Variants in ECPAS observed in about 807,000 individuals in gnomAD.
The protein encoded by ECPAS is proteasome adapter and scaffold protein ECM29.
Under a neutral mutation model 255.1 loss-of-function variants are expected in ECPAS, and 70 were observed. That is an observed-to-expected ratio of 0.27 (90% CI 0.23 to 0.33). The LOEUF (loss-of-function observed/expected upper bound fraction) is 0.33. ECPAS is among the 10% of genes least tolerant of loss of function. The probability of loss-of-function intolerance (pLI) is 1.00; values close to 1 mark genes in which losing one functional copy is unlikely to be tolerated. For synonymous variants in ECPAS, 784 were observed against 775.0 expected (o/e 1.01, Z -0.19); for missense variants, 1,817 against 2,206.4 (o/e 0.82, Z 3.54).
chr9:111,370,353 T>C (rs759640701), intron 45 of ECPAS, 82 bp downstream of exon 45: 13 of 885,684 alleles, frequency 1.5e-5, no homozygotes, highest in Non-Finnish European at 2.0e-5. Context: ...CTAATCCTAA[T>C]AATCAGGACA....
intron 6 of ECPAS, among the ~76,000 whole-genome samples, chr9:111,439,143 TA>T (rs1462245383): frequency 6.6e-6 from 1 of 152,184 alleles, no homozygotes; most frequent in East Asian, 1.9e-4. Context: ...ACAGTGGCCA[TA>T]TAGGCGGGTG....
chr9:111,371,815 TGC>T lies in ECPAS; in HGVS notation c.4541_4542del (p.Gly1514AspfsTer39). 1 of 1,612,218 alleles carries T rather than the reference TGC, an allele frequency of 6.2e-7. No homozygotes were observed. Among genetic ancestry groups the T allele is most frequent in the Non-Finnish European group, 8.5e-7 (1 of 1,178,480 alleles). On this transcript the variant is annotated frameshift_variant, in exon 43 of 50. Transcript: ENST00000684092. LOFTEE classifies it high-confidence loss of function. Reference sequence around the variant, plus strand: ...ATTAACTCCTGCAGGTATAATCGAATGCCACCAAAGGATCCTAGGAAAGCAAA... The same window carrying T: ...ATTAACTCCTGCAGGTATAATCGAATCACCAAAGGATCCTAGGAAAGCAAA... ...WQENVPGSFG[G>X]IRLYLQELIT...
At chr9:111,478,745 G>C (rs2098299770) in intron 1 of ECPAS, among the ~76,000 whole-genome samples, 1 of 152,100 alleles carries the variant, frequency 6.6e-6, no homozygotes, top group African/African-American at 2.4e-5. Context: ...CAAAATAACA[G>C]ACCTGGGAAT....
At chr9:111,458,144 G>C (rs1264515597) in intron 2 of ECPAS, among the ~76,000 whole-genome samples, 1 of 152,098 alleles carries the variant, frequency 6.6e-6, no homozygotes, top group Non-Finnish European at 1.5e-5. Flanking sequence ...CCCAACTAAT[G>C]ATTCTCTCCG....
chr9:111,385,827 A>T (rs1299326910), intron 32 of ECPAS, among the ~76,000 whole-genome samples: 1 of 152,250 alleles, frequency 6.6e-6, no homozygotes, highest in African/African-American at 2.4e-5. Context: ...TTTAACAGGT[A>T]ATCTTCAACT....
chr9:111,362,791 A>G (rs1446050141), intron 49 of ECPAS, among the ~76,000 whole-genome samples: 3 of 152,172 alleles, frequency 2.0e-5, no homozygotes, highest in African/African-American at 7.2e-5. Flanking sequence ...ATATTAGTAC[A>G]TATCTGGCAA....
chr9:111,371,752 T>C lies in ECPAS; in HGVS notation c.4606A>G (p.Lys1536Glu), dbSNP rs750148961. 14 of 1,613,790 alleles carry C rather than the reference T, an allele frequency of 8.7e-6. No individual in the cohort carries two copies. The highest frequency in any genetic ancestry group is 1.1e-5 in the Non-Finnish European group (13 of 1,179,818). The change falls in exon 43 of 50, where the codon AAA becomes GAA. Residue 1536 changes from lysine (K) to glutamate (E), a missense_variant. Transcript: ENST00000684092. ...TQKALQSQSW[K>E]MKAQGAIAMA... Reference sequence around the variant, plus strand: ...GCAATTGCACCCTGGGCTTTCATTTTCCAGGACTGAGACTGCAAAGCCTTC... The same window carrying C: ...GCAATTGCACCCTGGGCTTTCATTTCCCAGGACTGAGACTGCAAAGCCTTC...
intron 31 of ECPAS, 78 bp downstream of exon 31, chr9:111,389,478 G>C: frequency 4.8e-6 from 6 of 1,249,846 alleles, no homozygotes; most frequent in Non-Finnish European, 6.5e-6. Context: ...AAGGAAGATG[G>C]ACACTGGGTT....
At chr9:111,428,706 G>A (rs1203971070) in intron 9 of ECPAS, among the ~76,000 whole-genome samples, 1 of 151,270 alleles carries the variant, frequency 6.6e-6, no homozygotes, top group Non-Finnish European at 1.5e-5. Flanking sequence ...ACCAAAACTT[G>A]ACAAATAATA....
In ECPAS at chr9:111,417,924, T is replaced by G. The variant is rs375259584; in HGVS notation, c.1642A>C (p.Met548Leu). ...RNRKESTSEQ[M>L]PSFPEMVYYI... The stretch of plus-strand genomic sequence containing the variant: ...TAAACCATTTCTGGGAAGGAAGGCA[T>G]CTGCTCAGAAGTACTTTCTTTTCTG... Residue 548 changes from methionine (M) to leucine (L), a missense_variant, in exon 17 of 50, where the codon ATG becomes CTG. Physicochemically the swap from Met to Leu is conservative, Grantham distance 15. This residue lies in a region of ECPAS where 573 missense variants were observed against 716.2 expected (regional missense o/e 0.80). Coordinates refer to ENST00000684092, the MANE Select transcript of ECPAS (RefSeq NM_001364929.1). 15 of 1,590,204 alleles carry G rather than the reference T, an allele frequency of 9.4e-6. No individual in the cohort carries two copies. The highest frequency in any genetic ancestry group is 1.2e-5 in the Non-Finnish European group (14 of 1,167,192).
intron 24 of ECPAS, among the ~76,000 whole-genome samples, chr9:111,402,639 A>G (rs1021828848): frequency 3.9e-5 from 6 of 152,226 alleles, no homozygotes; most frequent in African/African-American, 1.4e-4. Context: ...GGCAATATAA[A>G]AAGATACAAG....
Position 111,408,726 on chromosome 9 carries a change from C to G in ECPAS, c.2551-54G>C, listed in dbSNP as rs150323311. Reference sequence around the variant, plus strand: ...AAACAGAGTATATAATAGCTTTACCCCAGTGCAGTATTTCCAAAATGAGAT... The same window carrying G: ...AAACAGAGTATATAATAGCTTTACCGCAGTGCAGTATTTCCAAAATGAGAT... On this transcript the variant is annotated intron_variant, in intron 23 of 49. Transcript: ENST00000684092. 4.1e-4 allele frequency: 429 copies of G among 1,056,618 alleles called. 1 individual carries two copies. In the African/African-American group the frequency reaches 6.4e-3, roughly 16 times the overall value. 65.5% of individuals were successfully genotyped at this position (1,056,618 alleles called of 1,614,324 possible). A position where few individuals can be genotyped will look rare whatever the true frequency, so the allele number is the denominator to read the frequency against.
chr9:111,423,348 A>G, intron 12 of ECPAS, 100 bp from the exon 13 acceptor site: 1 of 775,866 alleles, frequency 1.3e-6, no homozygotes, highest in Non-Finnish European at 2.1e-6. Context: ...AATTACATGC[A>G]TTATTTTACT....
intron 4 of ECPAS, among the ~76,000 whole-genome samples, chr9:111,443,694 T>A (rs1007093906): frequency 2.6e-5 from 4 of 152,138 alleles, no homozygotes; most frequent in Admixed American, 6.5e-5. Context: ...AGAACAGACA[T>A]GGACAAAATG....
At chr9:111,430,933 C>A (rs2098228926) in intron 8 of ECPAS, among the ~76,000 whole-genome samples, 1 of 152,194 alleles carries the variant, frequency 6.6e-6, no homozygotes, top group East Asian at 1.9e-4. Context: ...GGTTCTCAGG[C>A]CAATGGCATG....
At chr9:111,407,884 G>A (rs892150525) in intron 24 of ECPAS, among the ~76,000 whole-genome samples, 6 of 152,120 alleles carry the variant, frequency 3.9e-5, no homozygotes, top group African/African-American at 1.4e-4. Context: ...CAGTCTGGTG[G>A]GCCATTAGAA....
At chr9:111,415,655 C>T (rs752038576) in intron 18 of ECPAS, among the ~76,000 whole-genome samples, 2 of 151,116 alleles carry the variant, frequency 1.3e-5, no homozygotes, top group South Asian at 2.1e-4. Context: ...ACCGAGATCA[C>T]GCCATTCACT....
chr9:111,377,513 G>A (rs2098134744), intron 36 of ECPAS, among the ~76,000 whole-genome samples: 1 of 152,134 alleles, frequency 6.6e-6, no homozygotes, highest in African/African-American at 2.4e-5. Context: ...CTTTGATGTT[G>A]CAAAACCTCT....
At chr9:111,421,399 TATTAC>T (rs1391134831) in intron 15 of ECPAS, among the ~76,000 whole-genome samples, 5 of 143,960 alleles carry the variant, frequency 3.5e-5, no homozygotes, top group South Asian at 4.4e-4. Context: ...ATATATTACA[TATTAC>T]ATATATGTGT....
Sources: allele counts gnomAD v4.1 joint callset (sites outside exome capture counted in the v4.1 genomes callset), GRCh38; gene constraint gnomAD v4.1.1; regional missense constraint gnomAD v4.1.1; transcripts MANE v1.5; gene names NCBI Gene and HGNC (gene_info 2026-07-23, HGNC 2026-07-21).